The following LYRM4 variants were observed in gnomAD, a reference collection of about 807,000 sequenced individuals.
LYRM4 encodes LYR motif containing 4.
Under a neutral mutation model 11.7 loss-of-function variants are expected in LYRM4, and 9 were observed. The ratio of observed to expected loss-of-function variants is 0.77; its 90% CI spans 0.46 to 1.34. The LOEUF (loss-of-function observed/expected upper bound fraction) is 1.34. Among genes scored for constraint, LYRM4 ranks in the 40% most tolerant of loss-of-function variants. The pLI, the probability that LYRM4 is intolerant of heterozygous loss-of-function variation, is 0.00. For synonymous variants in LYRM4, 42 were observed against 40.4 expected, an observed-to-expected ratio of 1.04 and a Z score of -0.15; for missense variants, 133 against 112.5, an observed-to-expected ratio of 1.18 and a Z score of -0.82.
At chr6:5,105,203 T>C (rs1162537259), downstream of LYRM4, 2 of 152,268 alleles carry the variant, frequency 1.3e-5, no homozygotes, top group Non-Finnish European at 2.9e-5. Flanking sequence ...GGTGGCTGAA[T>C]ATGACTGACC....
At chr6:5,237,889 T>C (rs1317754397) in intron 1 of LYRM4, among the ~76,000 whole-genome samples, 1 of 152,176 alleles carries the variant, frequency 6.6e-6, no homozygotes, top group African/African-American at 2.4e-5. Context: ...CATAAGAGAA[T>C]GTCTTCCGCT....
chr6:5,048,082 A>G, the LYRM4 span, among the ~76,000 whole-genome samples: 95,804 of 152,104 alleles, frequency 0.63, 32,552 homozygotes, highest in East Asian at 0.86. Flanking sequence ...CTTAGCCTCA[A>G]TGTCTACTAA....
At chr6:5,118,483 T>G (rs927088689) in intron 2 of LYRM4, among the ~76,000 whole-genome samples, 1 of 152,166 alleles carries the variant, frequency 6.6e-6, no homozygotes, top group Non-Finnish European at 1.5e-5. Flanking sequence ...TGCCTGCTCC[T>G]GCTCACCTGC....
chr6:5,063,296 C>T, the LYRM4 span, among the ~76,000 whole-genome samples: 1 of 151,954 alleles, frequency 6.6e-6, no homozygotes, highest in Non-Finnish European at 1.5e-5. Flanking sequence ...CCTGGCTGAC[C>T]CTGGGCTTTT....
At chr6:5,115,420 G>GGCCGT (rs1763074171) in intron 2 of LYRM4, among the ~76,000 whole-genome samples, 1 of 152,178 alleles carries the variant, frequency 6.6e-6, no homozygotes, top group African/African-American at 2.4e-5. Flanking sequence ...GTGTGCTAAA[G>GGCCGT]GCCGTATTCT....
chr6:5,088,592 CAA>C, the LYRM4 span: 1 of 152,182 alleles, frequency 6.6e-6, no homozygotes, highest in African/African-American at 2.4e-5. Context: ...GACCAGATGG[CAA>C]AGTGTAAAAT....
chr6:5,057,867 T>C, the LYRM4 span, among the ~76,000 whole-genome samples: 1 of 151,756 alleles, frequency 6.6e-6, no homozygotes, highest in East Asian at 2.0e-4. Flanking sequence ...GCTCAAGCAA[T>C]CCTCCCACCT....
At chr6:5,127,431 A>G (rs917630174) in intron 2 of LYRM4, among the ~76,000 whole-genome samples, 3 of 152,192 alleles carry the variant, frequency 2.0e-5, no homozygotes, top group African/African-American at 4.8e-5. Context: ...GTGAATCTCA[A>G]TAAAGATGTT....
At chr6:5,043,360 A>G in the LYRM4 span, 1 of 152,264 alleles carries the variant, frequency 6.6e-6, no homozygotes, top group South Asian at 2.1e-4. Context: ...TGTGAATGGG[A>G]AACTTAGATA....
chr6:5,138,880 C>G (rs78426361), intron 2 of LYRM4: 13,575 of 603,456 alleles, frequency 0.022, 236 homozygotes, highest in Middle Eastern at 0.055. Flanking sequence ...ATCCTTTAGA[C>G]ATAGACATTT....
chr6:5,088,262 T>C, the LYRM4 span: 1 of 152,104 alleles, frequency 6.6e-6, no homozygotes, highest in African/African-American at 2.4e-5. Flanking sequence ...ACCTGGCTAA[T>C]TTTTGTATTT....
chr6:5,165,486 C>T (rs766187176), intron 2 of LYRM4, among the ~76,000 whole-genome samples: 9 of 152,082 alleles, frequency 5.9e-5, no homozygotes, highest in Non-Finnish European at 1.2e-4. Context: ...TTAGATATGA[C>T]ATAACCCAAT....
chr6:5,208,123 A>G (rs1761801271), intron 2 of LYRM4, among the ~76,000 whole-genome samples: 1 of 152,230 alleles, frequency 6.6e-6, no homozygotes, highest in Non-Finnish European at 1.5e-5. Flanking sequence ...ACACTGAGAC[A>G]ACGTATTCAA....
At chr6:5,037,627 C>T in the LYRM4 span, among the ~76,000 whole-genome samples, 1 of 68,096 alleles carries the variant, frequency 1.5e-5, no homozygotes, top group Admixed American at 1.9e-4. Context: ...GGGCGGCTGG[C>T]CGGGCGGGGG....
At chr6:5,116,347 CAGA>C (rs1763117532) in intron 2 of LYRM4, among the ~76,000 whole-genome samples, 1 of 152,094 alleles carries the variant, frequency 6.6e-6, no homozygotes, top group Non-Finnish European at 1.5e-5. Context: ...AGAGCCATTA[CAGA>C]AGAAGAAGGG....
At chr6:5,249,741 T>C (rs1213149439) in intron 1 of LYRM4, among the ~76,000 whole-genome samples, 1 of 152,172 alleles carries the variant, frequency 6.6e-6, no homozygotes, top group Non-Finnish European at 1.5e-5. Flanking sequence ...ACTTACCTAG[T>C]TTTATTACTT....
At chr6:5,047,189 T>C in the LYRM4 span, among the ~76,000 whole-genome samples, 1 of 152,230 alleles carries the variant, frequency 6.6e-6, no homozygotes, top group Non-Finnish European at 1.5e-5. Context: ...GAACCGTCTT[T>C]GGAGACTAGC....
intron 2 of LYRM4, among the ~76,000 whole-genome samples, chr6:5,139,647 C>T (rs1420425110): frequency 1.3e-5 from 2 of 152,184 alleles, no homozygotes; most frequent in Admixed American, 6.5e-5. Flanking sequence ...TACTCTTGTG[C>T]TGATCACTGA....
chr6:5,078,789 A>AT, the LYRM4 span, among the ~76,000 whole-genome samples: 1 of 152,180 alleles, frequency 6.6e-6, no homozygotes, highest in Non-Finnish European at 1.5e-5. Flanking sequence ...TTATAAGGGC[A>AT]TTTTTCTTGA....
Sources: allele counts gnomAD v4.1 joint callset (sites outside exome capture counted in the v4.1 genomes callset), GRCh38; gene constraint gnomAD v4.1.1; transcripts MANE v1.5; gene names NCBI Gene and HGNC (gene_info 2026-07-23, HGNC 2026-07-21).